NRAP: variants seen among roughly 807,000 people sequenced by gnomAD.
NRAP encodes the protein nebulin-related-anchoring protein.
A neutral mutation model predicts 225.9 loss-of-function variants in NRAP; 189 were observed. The observed-to-expected ratio is 0.84, with a 90% CI of 0.74 to 0.94. NRAP has a LOEUF of 0.94. NRAP is among the 40% of genes least tolerant of loss of function. The pLI is 0.00. For missense variants in NRAP, 2,176 were observed against 2,168.7 expected (o/e 1.00, Z -0.07); for synonymous variants, 769 against 790.7 (o/e 0.97, Z 0.46).
intron 41 of NRAP, 53 bp downstream of exon 41, chr10:113,589,611 TTG>T (rs1845825040): frequency 1.3e-6 from 2 of 1,545,176 alleles, no homozygotes; most frequent in Admixed American, 4.1e-5. Context: ...AACAATGAGT[TTG>T]TCTTTCCCCA....
intron 32 of NRAP, among the ~76,000 whole-genome samples, chr10:113,607,040 T>C (rs980082918): frequency 1.1e-4 from 17 of 151,938 alleles, no homozygotes; most frequent in Non-Finnish European, 1.3e-4. Flanking sequence ...CCATCTCTAC[T>C]AAAATACTAA....
At chr10:113,648,259 C>T (rs1849700120) in intron 9 of NRAP, among the ~76,000 whole-genome samples, 1 of 152,138 alleles carries the variant, frequency 6.6e-6, no homozygotes. Flanking sequence ...CGTTATCCAA[C>T]AATGAAAACT....
chr10:113,605,620 C>A, intron 34 of NRAP, 142 bp downstream of exon 34: 1 of 636,046 alleles, frequency 1.6e-6, no homozygotes, highest in South Asian at 2.0e-5. Flanking sequence ...GAATCTCATT[C>A]ATAACTAATA....
At chr10:113,663,665 A>C in intron 1 of NRAP, 146 bp downstream of exon 1, 1 of 684,340 alleles carries the variant, frequency 1.5e-6, no homozygotes. Context: ...GTAGAACTAA[A>C]TAAAGGTGAG....
intron 25 of NRAP, among the ~76,000 whole-genome samples, chr10:113,620,110 T>G (rs975684074): frequency 9.2e-5 from 14 of 152,074 alleles, no homozygotes; most frequent in African/African-American, 3.1e-4. Flanking sequence ...TGCTGTAGGG[T>G]CCAGCCAAGG....
intron 28 of NRAP, among the ~76,000 whole-genome samples, chr10:113,614,511 G>A (rs941177718): frequency 2.0e-5 from 3 of 152,208 alleles, no homozygotes; most frequent in Admixed American, 2.0e-4. Context: ...GCATTAGCAC[G>A]TGGGCGGCCC....
At chr10:113,623,081 T>C (rs1351633303) in intron 23 of NRAP, among the ~76,000 whole-genome samples, 3 of 152,230 alleles carry the variant, frequency 2.0e-5, no homozygotes, top group African/African-American at 4.8e-5. Context: ...ATTACCAATT[T>C]ACCAGCAAGT....
chr10:113,617,063 T>C (rs1051568037), intron 26 of NRAP, among the ~76,000 whole-genome samples: 2 of 152,210 alleles, frequency 1.3e-5, no homozygotes, highest in African/African-American at 4.8e-5. Flanking sequence ...CAACAATTGC[T>C]GCCCTTGGGT....
chr10:113,604,548 C>T (rs1434360553), intron 35 of NRAP, 61 bp downstream of exon 35: 2 of 1,482,094 alleles, frequency 1.3e-6, no homozygotes, highest in Non-Finnish European at 1.9e-6. Context: ...AGATTGACAC[C>T]CGGGTTTGGT....
chr10:113,659,838 C>G (rs750235934), intron 3 of NRAP, among the ~76,000 whole-genome samples: 3 of 152,268 alleles, frequency 2.0e-5, no homozygotes, highest in South Asian at 2.1e-4. Flanking sequence ...ATCACCATCA[C>G]TGAAAAATCT....
intron 29 of NRAP, 122 bp from the exon 30 acceptor site, chr10:113,612,553 C>T: frequency 4.0e-6 from 3 of 744,568 alleles, no homozygotes; most frequent in Non-Finnish European, 2.2e-6. Context: ...CTTGGCAGGG[C>T]CAGTGCTCCT....
chr10:113,594,587 C>T (rs1461162665), intron 38 of NRAP, among the ~76,000 whole-genome samples: 3 of 152,218 alleles, frequency 2.0e-5, no homozygotes, highest in East Asian at 3.8e-4. Context: ...AGGGGGAGGT[C>T]CTGCTTCCCC....
intron 35 of NRAP, among the ~76,000 whole-genome samples, chr10:113,599,975 C>T (rs754996402): frequency 6.6e-6 from 1 of 152,234 alleles, no homozygotes; most frequent in Non-Finnish European, 1.5e-5. Context: ...GCTTTCAGTC[C>T]CTGAGTTCTA....
chr10:113,663,574 A>ACG, intron 1 of NRAP, 128 bp from the exon 2 acceptor site: 4 of 681,232 alleles, frequency 5.9e-6, no homozygotes, highest in Non-Finnish European at 1.0e-5. Context: ...TAAAATCCAC[A>ACG]CACACAGCTA....
At chr10:113,649,577 C>G (rs1360813852) in intron 9 of NRAP, among the ~76,000 whole-genome samples, 3 of 152,176 alleles carry the variant, frequency 2.0e-5, no homozygotes, top group African/African-American at 7.2e-5. Flanking sequence ...GGTTTGCATT[C>G]TCTGGCATAC....
rs1554870758 is a variant in NRAP at position 113,655,452 on chromosome 10, A to AT, written c.361-1328dup. Among the ~76,000 whole-genome samples the AT allele has an allele frequency of 2.6e-3, 375 of 145,288 alleles. 3 individuals carry two copies. Among genetic ancestry groups the AT allele is most frequent in the African/African-American group, 8.8e-3 (348 of 39,430 alleles). ...TAGGATAGTATGGTATTGTACATCC[A>AT]TTTTTTTTTTTTTTTTCCCTTGAGA... On this transcript the variant is annotated intron_variant, in intron 4 of 41. Coordinates refer to ENST00000359988, the MANE Select transcript of NRAP (RefSeq NM_198060.4).
intron 22 of NRAP, 138 bp from the exon 23 acceptor site, chr10:113,623,774 C>T: frequency 1.6e-6 from 1 of 635,692 alleles, no homozygotes; most frequent in Non-Finnish European, 2.8e-6. Context: ...CCACAGAAAT[C>T]ATGTAGTCTG....
chr10:113,639,091 CAA>C (rs60509891), intron 14 of NRAP, among the ~76,000 whole-genome samples: 96 of 115,784 alleles, frequency 8.3e-4, no homozygotes, highest in African/African-American at 2.1e-3. Flanking sequence ...ATGTATATAG[CAA>C]AAAAAAAAAA....
intron 6 of NRAP, among the ~76,000 whole-genome samples, chr10:113,652,682 C>G (rs1425468743): frequency 6.6e-6 from 1 of 151,400 alleles, no homozygotes; most frequent in East Asian, 1.9e-4. Flanking sequence ...AGTGCTAAAG[C>G]AAACTCAAGA....
Sources: allele counts gnomAD v4.1 joint callset (sites outside exome capture counted in the v4.1 genomes callset), GRCh38; gene constraint gnomAD v4.1.1; transcripts MANE v1.5; gene names NCBI Gene and HGNC (gene_info 2026-07-23, HGNC 2026-07-21).